Variants in BATF2 observed in about 807,000 individuals in gnomAD.
BATF2 encodes basic leucine zipper ATF-like transcription factor 2.
Under a neutral mutation model 7.3 loss-of-function variants are expected in BATF2, and 4 were observed. The ratio of observed to expected loss-of-function variants is 0.55; its 90% CI spans 0.27 to 1.26. The LOEUF is 1.26. Among genes scored for constraint, BATF2 ranks in the 50% most tolerant of loss-of-function variants. The probability of loss-of-function intolerance (pLI) is 0.11; values close to 1 mark genes in which losing one functional copy is unlikely to be tolerated. For synonymous variants in BATF2, 152 were observed against 153.9 expected (o/e 0.99, Z 0.09); for missense variants, 295 against 340.5 (o/e 0.87, Z 1.05).
chr11:64,995,446 A>T (rs1387381252), intron 1 of BATF2, among the ~76,000 whole-genome samples: 1 of 152,208 alleles, frequency 6.6e-6, no homozygotes, highest in Non-Finnish European at 1.5e-5. Flanking sequence ...AGTAAGCTAG[A>T]GGGACATGAT....
chr11:64,996,710 G>A (rs1226433049), intron 1 of BATF2, among the ~76,000 whole-genome samples, 166 bp downstream of exon 1: 4 of 152,248 alleles, frequency 2.6e-5, no homozygotes, highest in African/African-American at 7.2e-5. Context: ...CCGACTTCGG[G>A]GGAGGAAAGT....
Position 64,989,027 on chromosome 11 carries a change from C to T in BATF2, c.*102G>A. 7.4e-7 allele frequency: 1 copy of T among 1,351,360 alleles called. No homozygotes were observed. Among genetic ancestry groups the T allele is most frequent in the Non-Finnish European group, 1.0e-6 (1 of 953,714 alleles). 83.7% of individuals were successfully genotyped at this position (1,351,360 alleles called of 1,614,324 possible). On this transcript the variant is annotated 3_prime_UTR_variant, in exon 3 of 3. Transcript: ENST00000301887. The surrounding 1 kb of genome is among the most constrained non-coding windows in gnomAD (Gnocchi z 4.3). ...ACTGTGAAATCCTGGGCCAGCTGGTCAGCCACGCAGGGCAGCACCCAGTAG... is the reference window on the plus strand; with the variant it reads ...ACTGTGAAATCCTGGGCCAGCTGGTTAGCCACGCAGGGCAGCACCCAGTAG...
chr11:64,995,883 AG>A (rs1319512707), intron 1 of BATF2, among the ~76,000 whole-genome samples: 4 of 152,212 alleles, frequency 2.6e-5, no homozygotes, highest in Non-Finnish European at 5.9e-5. Flanking sequence ...CGGTGAGTGA[AG>A]GGGGCTCCTG....
intron 1 of BATF2, among the ~76,000 whole-genome samples, chr11:64,996,591 G>A (rs1019975754): frequency 2.4e-4 from 36 of 152,220 alleles, no homozygotes; most frequent in African/African-American, 8.4e-4. Context: ...TGAGTGTAGT[G>A]AGGGGGGACC....
At position 64,989,863 on chromosome 11, in the gene BATF2, C is replaced by A; in HGVS notation, c.142-51G>T. ...GGGGAACCTCAGCCAGTGTCAGGGG[C>A]CCCGCATGAGCCTTAGCCCCTTCCA... On this transcript the variant is annotated intron_variant, in intron 2 of 2. Transcript: ENST00000301887. The surrounding 1 kb of genome is among the most constrained non-coding windows in gnomAD (Gnocchi z 4.3). The A allele has an allele frequency of 6.3e-7, 1 of 1,597,062 alleles. No homozygotes were observed. Among genetic ancestry groups the A allele is most frequent in the Non-Finnish European group, 8.5e-7 (1 of 1,169,606 alleles).
chr11:64,989,342 G>A lies in BATF2; in HGVS notation c.612C>T (p.Ala204=). The A allele has an allele frequency of 6.4e-7, 1 of 1,572,190 alleles. No individual in the cohort carries two copies. Among genetic ancestry groups the A allele is most frequent in the East Asian group, 2.2e-5 (1 of 44,568 alleles). Residue 204 remains alanine (A), a synonymous_variant, in exon 3 of 3, where the codon GCC becomes GCT. Transcript: ENST00000301887. This position sits in a 1 kb window ranked among gnomAD's most constrained non-coding sequence, Gnocchi z 4.3. The part of the protein sequence containing the change: ...ALQPSLTAQT[A]PPQPLELEHP... ...GCTCCAGCTCGAGGGGCTGTGGAGGGGCAGTTTGGGCCGTGAGGCTGGGCT... is the reference window on the plus strand; with the variant it reads ...GCTCCAGCTCGAGGGGCTGTGGAGGAGCAGTTTGGGCCGTGAGGCTGGGCT...
rs191124706 is a variant in BATF2, at chr11:64,992,091, G to T, written c.142-2279C>A. Among the ~76,000 whole-genome samples, 5 of 152,154 alleles carry T rather than the reference G, an allele frequency of 3.3e-5. No individual in the cohort carries two copies. In the East Asian group the frequency reaches 7.7e-4, roughly 24 times the overall value. On this transcript the variant is annotated intron_variant, in intron 2 of 2. Transcript: ENST00000301887. ...CTGTCTCCCAGGCTGAAGTGCAGTG[G>T]CACGACCTCAGCTCACTGCAACCTC...
intron 1 of BATF2, 32 bp from the exon 2 acceptor site, chr11:64,994,581 C>T: frequency 6.4e-7 from 1 of 1,559,198 alleles, no homozygotes; most frequent in Non-Finnish European, 8.7e-7. Context: ...ACTCAGGGGG[C>T]CCAGCCAGGC....
rs1449087832 is a variant in BATF2, at chr11:64,988,739, A to G, written c.*390T>C. On this transcript the variant is annotated 3_prime_UTR_variant, in exon 3 of 3. Coordinates refer to ENST00000301887, the MANE Select transcript of BATF2 (RefSeq NM_138456.4). ...GCTCTGAGCATGCAAACCTTCTCAC[A>G]CCAGCCCACGGTTTCCAGGATTTCA... 1 of 261,082 alleles carries G rather than the reference A, an allele frequency of 3.8e-6. No homozygotes were observed. The allele number at this position is 261,082 out of a possible 1,614,324, so 16.2% of individuals were successfully genotyped here. A position where few individuals can be genotyped will look rare whatever the true frequency, so the allele number is the denominator to read the frequency against.
intron 2 of BATF2, among the ~76,000 whole-genome samples, chr11:64,991,914 C>T (rs1946080315): frequency 6.6e-6 from 1 of 152,204 alleles, no homozygotes; most frequent in South Asian, 2.1e-4. Context: ...CTACAGGGTG[C>T]TGCTCCCCAC....
At chr11:64,990,052 C>T in intron 2 of BATF2, 1 of 1,537,208 alleles carries the variant, frequency 6.5e-7, no homozygotes, top group Non-Finnish European at 8.7e-7. Flanking sequence ...CACTAGTGCC[C>T]TGAGCCGGTG....
At chr11:64,990,436 T>C in intron 2 of BATF2, 1 of 1,320,392 alleles carries the variant, frequency 7.6e-7, no homozygotes, top group Non-Finnish European at 9.7e-7. Flanking sequence ...TTATTGCCAC[T>C]GCCCTTTTGA....
intron 2 of BATF2, 96 bp downstream of exon 2, chr11:64,994,351 GT>G: frequency 1.7e-6 from 2 of 1,196,098 alleles, no homozygotes; most frequent in Admixed American, 4.2e-5. Context: ...AAATACAGGA[GT>G]TTGGGGGAGG....
rs1415970508 is a variant in BATF2, at chr11:64,989,774, C to T, written c.180G>A (p.Arg60=). Residue 60 remains arginine, a synonymous_variant, in exon 3 of 3, where the codon CGG becomes CGA. Coordinates refer to ENST00000301887, the MANE Select transcript of BATF2 (RefSeq NM_138456.4). This position sits in a 1 kb window ranked among gnomAD's most constrained non-coding sequence, Gnocchi z 4.3. ...CGGCCTGCAGGGACTGGATCTCCTT[C>T]CGCAGGGCGAGGTTGTCTTTTTCCA... The part of the protein sequence containing the change: ...ESLEKDNLAL[R]KEIQSLQAEL... 3 of 1,613,984 alleles carry T rather than the reference C, an allele frequency of 1.9e-6. No homozygotes were observed. The highest frequency in any genetic ancestry group is 2.5e-6 in the Non-Finnish European group (3 of 1,180,026).
At position 64,989,886 on chromosome 11, in the gene BATF2, C is replaced by G. The variant is rs758768054; in HGVS notation, c.142-74G>C. ...GGCCCCGCATGAGCCTTAGCCCCTT[C>G]CAGGGTCCTCAACTTCAGGAGAAAG... On this transcript the variant is annotated intron_variant, in intron 2 of 2. Transcript: ENST00000301887. This position sits in a 1 kb window ranked among gnomAD's most constrained non-coding sequence, Gnocchi z 4.3. 6.5e-7 allele frequency: 1 copy of G among 1,535,720 alleles called. No individual in the cohort carries two copies. Among genetic ancestry groups the G allele is most frequent in the South Asian group, 1.2e-5 (1 of 86,132 alleles).
rs1252056889 is a variant in BATF2, at chr11:64,990,474, T to A, written c.142-662A>T. 5 of 1,244,486 alleles carry A rather than the reference T, an allele frequency of 4.0e-6. No homozygotes were observed. The African/African-American group carries it at 7.7e-5, about 19-fold the overall frequency. The allele number at this position is 1,244,486 out of a possible 1,614,324, so 77.1% of individuals were successfully genotyped here. On this transcript the variant is annotated intron_variant, in intron 2 of 2. Coordinates refer to ENST00000301887, the MANE Select transcript of BATF2 (RefSeq NM_138456.4). ...GCCCAGAACTCGCCCCTACGAGCAC[T>A]GTGGGAGGATTCAGGGGATTGTTTT...
intron 2 of BATF2, among the ~76,000 whole-genome samples, chr11:64,993,282 C>T (rs1160565612): frequency 6.6e-6 from 1 of 152,170 alleles, no homozygotes; most frequent in African/African-American, 2.4e-5. Context: ...ATCACTTGAA[C>T]CCAGGAGGTA....
At chr11:64,993,985 A>G (rs1339802873) in intron 2 of BATF2, among the ~76,000 whole-genome samples, 1 of 151,974 alleles carries the variant, frequency 6.6e-6, no homozygotes, top group African/African-American at 2.4e-5. Flanking sequence ...TTTTGTAGAG[A>G]CAGAGTCTCA....
At chr11:64,996,744 A>T (rs1946112953) in intron 1 of BATF2, 132 bp downstream of exon 1, 1 of 1,074,186 alleles carries the variant, frequency 9.3e-7, no homozygotes, top group South Asian at 1.5e-5. Context: ...GGGCATGCAG[A>T]GCCCTCTGTC....
Sources: allele counts gnomAD v4.1 joint callset (sites outside exome capture counted in the v4.1 genomes callset), GRCh38; gene constraint gnomAD v4.1.1; non-coding constraint Gnocchi (gnomAD v3.1); transcripts MANE v1.5; gene names NCBI Gene and HGNC (gene_info 2026-07-23, HGNC 2026-07-21).